NCKIPSD: variants seen among roughly 807,000 people sequenced by gnomAD.
NCKIPSD encodes the protein NCK interacting protein with SH3 domain, also known as NCK-interacting protein with SH3 domain.
NCKIPSD carries 48 observed loss-of-function variants against 73.4 expected under a neutral mutation model. That is an observed-to-expected ratio of 0.65 (90% CI 0.52 to 0.83). NCKIPSD has a LOEUF of 0.83. NCKIPSD is among the 40% of genes least tolerant of loss of function. The pLI is 0.00. For missense variants in NCKIPSD, 884 were observed against 970.2 expected (o/e 0.91, Z 1.18); for synonymous variants, 422 against 403.6 (o/e 1.05, Z -0.54).
chr3:48,674,023 A>T lies in NCKIPSD; in HGVS notation c.*521T>A. ...CCTGTCTCCAAGATCCCGCTTTCAAAGCAGCAGCTTGGCCAAGGCCTCTGG... is the reference window on the plus strand; with the variant it reads ...CCTGTCTCCAAGATCCCGCTTTCAATGCAGCAGCTTGGCCAAGGCCTCTGG... On this transcript the variant is annotated 3_prime_UTR_variant, in exon 13 of 13. Transcript: ENST00000294129. The T allele has an allele frequency of 9.3e-7, 1 of 1,071,320 alleles. No individual in the cohort carries two copies. The highest frequency in any genetic ancestry group is 1.1e-6 in the Non-Finnish European group (1 of 882,354). 66.4% of individuals were successfully genotyped at this position (1,071,320 alleles called of 1,614,324 possible). A position where few individuals can be genotyped will look rare whatever the true frequency, so the allele number is the denominator to read the frequency against.
At chr3:48,675,193 CAT>C (rs1479783020) in intron 12 of NCKIPSD, among the ~76,000 whole-genome samples, 4 of 152,224 alleles carry the variant, frequency 2.6e-5, no homozygotes, top group South Asian at 2.1e-4. Flanking sequence ...ATCTCCTGCA[CAT>C]GTGACAGACC....
In NCKIPSD at chr3:48,678,892, G is replaced by T. The variant is rs2077300160; in HGVS notation, c.1777C>A (p.Leu593Ile). ...GGGCCCTCACCCCCTCTGTTCAGGA[G>T]CAACAACAGCTTCTCGGAGAAGATC... Reference protein sequence around the residue: ...VKIFSEKLLLLLNRGDDPVRI... With the variant: ...VKIFSEKLLLILNRGDDPVRI... The change falls in exon 11 of 13, where the codon CTC becomes ATC. Residue 593 changes from leucine (L) to isoleucine (I), a missense_variant. Coordinates refer to ENST00000294129, the MANE Select transcript of NCKIPSD (RefSeq NM_016453.4). The T allele has an allele frequency of 6.2e-7, 1 of 1,613,850 alleles. No homozygotes were observed. The highest frequency in any genetic ancestry group is 1.3e-5 in the African/African-American group (1 of 74,906).
chr3:48,682,694 AC>A, intron 2 of NCKIPSD, 142 bp from the exon 3 acceptor site: 1 of 1,148,338 alleles, frequency 8.7e-7, no homozygotes. Context: ...AGCCTACAGT[AC>A]CCCATACTAT....
At chr3:48,675,509 C>G (rs1225793995) in intron 12 of NCKIPSD, among the ~76,000 whole-genome samples, 69 of 110,438 alleles carry the variant, frequency 6.2e-4, no homozygotes, top group Non-Finnish European at 8.6e-4. Flanking sequence ...ATATATATAT[C>G]ATATATATAT....
Position 48,681,534 on chromosome 3 carries a change from G to A in NCKIPSD, c.845C>T (p.Ser282Leu). 1 of 1,614,176 alleles carries A rather than the reference G, an allele frequency of 6.2e-7. No individual in the cohort carries two copies. Residue 282 changes from serine to leucine, a missense_variant, in exon 5 of 13, where the codon TCA (serine) becomes TTA (leucine). Transcript: ENST00000294129. The part of the protein sequence containing the change: ...AEEEVATGTT[S>L]ASDDLEALGT... ...CAGGGCTTCCAGGTCATCAGAGGCT[G>A]AGGTTGTACCAGTTGCCACTTCTTC...
chr3:48,685,896 C>T lies in NCKIPSD; in HGVS notation c.-89G>A. ...GAGCGCCGAGCCGCGCCGCGGTTGT[C>T]CCGCCCCGTGACACACTACGCAGGC... On this transcript the variant is annotated 5_prime_UTR_variant, in exon 1 of 13. Transcript: ENST00000294129. 3 of 1,262,056 alleles carry T rather than the reference C, an allele frequency of 2.4e-6. No homozygotes were observed. Among genetic ancestry groups the T allele is most frequent in the Non-Finnish European group, 3.1e-6 (3 of 983,072 alleles). 78.2% of individuals were successfully genotyped at this position (1,262,056 alleles called of 1,614,324 possible).
intron 1 of NCKIPSD, 59 bp from the exon 2 acceptor site, chr3:48,683,071 G>A: frequency 6.5e-7 from 1 of 1,542,518 alleles, no homozygotes; most frequent in South Asian, 1.2e-5. Flanking sequence ...GCTCAGCCCA[G>A]GCCCAGCCCG....
chr3:48,683,037 T>C (rs1231830253), intron 1 of NCKIPSD, 25 bp from the exon 2 acceptor site: 5 of 1,548,086 alleles, frequency 3.2e-6, no homozygotes, highest in Admixed American at 2.0e-5. Context: ...GGACAGCAGT[T>C]AGACCTGAAG....
intron 1 of NCKIPSD, among the ~76,000 whole-genome samples, chr3:48,683,979 G>GACACACACACACACACACACACAC (rs545029045): frequency 2.3e-5 from 3 of 131,108 alleles, no homozygotes; most frequent in Admixed American, 7.7e-5. Context: ...AAGACATGAA[G>GACACACACACACACACACACACAC]ACACACACAC....
At chr3:48,685,488 G>A in intron 1 of NCKIPSD, 149 bp downstream of exon 1, 3 of 1,034,044 alleles carry the variant, frequency 2.9e-6, no homozygotes, top group South Asian at 1.8e-5. Flanking sequence ...GGGTCCGGGG[G>A]TCTCAGGGTC....
rs762722015 is a variant in NCKIPSD, at chr3:48,682,193, A to C, written c.487-37T>G. The C allele has an allele frequency of 1.9e-6, 3 of 1,582,272 alleles. No homozygotes were observed. In the South Asian group the frequency reaches 3.4e-5, roughly 18 times the overall value. ...AAGTAGGATCTTGGAGGACAGACTG[A>C]CATCTAGAGCGTCAGCGAGGCTCGG... On this transcript the variant is annotated intron_variant, in intron 3 of 12. Coordinates refer to ENST00000294129, the MANE Select transcript of NCKIPSD (RefSeq NM_016453.4).
chr3:48,678,222 T>C (rs542026713), intron 12 of NCKIPSD, among the ~76,000 whole-genome samples: 1 of 152,262 alleles, frequency 6.6e-6, no homozygotes, highest in African/African-American at 2.4e-5. Flanking sequence ...TGGCTTCCAC[T>C]CTGCTGGCAT....
intron 3 of NCKIPSD, 36 bp downstream of exon 3, chr3:48,682,312 C>T: frequency 6.2e-7 from 1 of 1,609,620 alleles, no homozygotes; most frequent in East Asian, 2.2e-5. Context: ...TCAAGTTCCA[C>T]CCACCTCCCT....
intron 1 of NCKIPSD, among the ~76,000 whole-genome samples, chr3:48,684,019 C>CACAG (rs563262573): frequency 0.021 from 3,032 of 141,052 alleles, 114 homozygotes; most frequent in African/African-American, 0.071. Flanking sequence ...CACACACACA[C>CACAG]AGAGAGAGAG....
chr3:48,681,899 C>A, intron 4 of NCKIPSD, 119 bp from the exon 5 acceptor site: 1 of 1,459,360 alleles, frequency 6.9e-7, no homozygotes, highest in Non-Finnish European at 9.1e-7. Context: ...ACTGCCTCCT[C>A]ACAAAGCCCA....
At chr3:48,678,307 C>T (rs1319736538) in intron 12 of NCKIPSD, among the ~76,000 whole-genome samples, 1 of 152,182 alleles carries the variant, frequency 6.6e-6, no homozygotes, top group Non-Finnish European at 1.5e-5. Flanking sequence ...GCAGCAGCCT[C>T]CGAGGCTTTG....
chr3:48,679,229 C>G (rs759034252), intron 9 of NCKIPSD, 46 bp from the exon 10 acceptor site: 4 of 1,610,612 alleles, frequency 2.5e-6, no homozygotes, highest in Non-Finnish European at 3.4e-6. Context: ...TCCCCTCCGA[C>G]CCCCGCACCA....
At chr3:48,685,195 G>GAGGA (rs1268263255) in intron 1 of NCKIPSD, among the ~76,000 whole-genome samples, 18 of 2,700 alleles carry the variant, frequency 6.7e-3, no homozygotes, top group Non-Finnish European at 0.026. Context: ...AGAAGGAAGG[G>GAGGA]AGGGAGGGAG....
At chr3:48,676,797 T>C (rs2077262328) in intron 12 of NCKIPSD, among the ~76,000 whole-genome samples, 1 of 151,310 alleles carries the variant, frequency 6.6e-6, no homozygotes, top group African/African-American at 2.4e-5. Context: ...CTGGCCAACA[T>C]CCCCCATCTG....
Sources: gnomAD v4.1 joint callset for allele counts (sites outside exome capture counted in the v4.1 genomes callset) on GRCh38, gnomAD v4.1.1 for gene constraint, MANE v1.5 for transcripts, NCBI Gene and HGNC (gene_info 2026-07-23, HGNC 2026-07-21) for gene names.